TTLL5: variants seen among roughly 807,000 people sequenced by gnomAD.
The protein encoded by TTLL5 is tubulin tyrosine ligase like 5.
TTLL5 carries 132 observed loss-of-function variants against 168.4 expected under a neutral mutation model. The ratio of observed to expected loss-of-function variants is 0.78; its 90% CI spans 0.68 to 0.91. The LOEUF (loss-of-function observed/expected upper bound fraction) is 0.91. TTLL5 is among the 40% of genes least tolerant of loss of function. TTLL5 has a pLI of 0.00. For missense variants in TTLL5, 1,545 were observed against 1,581.5 expected (o/e 0.98, Z 0.39); for synonymous variants, 546 against 558.6 (o/e 0.98, Z 0.32).
chr14:75,748,856 G>A (rs983493091), intron 17 of TTLL5, among the ~76,000 whole-genome samples: 2 of 152,104 alleles, frequency 1.3e-5, no homozygotes, highest in Non-Finnish European at 2.9e-5. Context: ...TTTCTAGTAA[G>A]GTTGACACTC....
In TTLL5 at chr14:75,773,904, ATAC is replaced by A. The variant is rs1334331538; in HGVS notation, c.2137-1579_2137-1577del. Among the ~76,000 whole-genome samples the A allele has an allele frequency of 4.4e-3, 269 of 61,562 alleles. 2 individuals are homozygous for A. Among genetic ancestry groups the A allele is most frequent in the Non-Finnish European group, 7.3e-3 (193 of 26,582 alleles). The allele number at this position is 61,562 out of a possible 152,430, so 40.4% of individuals were successfully genotyped here. On this transcript the variant is annotated intron_variant, in intron 21 of 31. Coordinates refer to ENST00000298832, the MANE Select transcript of TTLL5 (RefSeq NM_015072.5). ...GATACCGTCTCAAAAAAAAAAAAAAATACATATATATATATATATATATAGAGA... is the reference window on the plus strand; with the variant it reads ...GATACCGTCTCAAAAAAAAAAAAAAAATATATATATATATATATATAGAGA...
intron 31 of TTLL5, among the ~76,000 whole-genome samples, chr14:75,943,310 T>A (rs1566671198): frequency 1.3e-5 from 2 of 152,136 alleles, no homozygotes; most frequent in Admixed American, 6.6e-5. Flanking sequence ...AGGAGACCCT[T>A]CTAGACTGGG....
intron 28 of TTLL5, among the ~76,000 whole-genome samples, chr14:75,833,044 G>A (rs1051378597): frequency 1.3e-5 from 2 of 152,056 alleles, no homozygotes; most frequent in Non-Finnish European, 2.9e-5. Flanking sequence ...CCTGCCTCCC[G>A]CAGCTCTGCC....
At chr14:75,848,898 A>G (rs1190875629) in intron 28 of TTLL5, among the ~76,000 whole-genome samples, 1 of 152,180 alleles carries the variant, frequency 6.6e-6, no homozygotes, top group East Asian at 1.9e-4. Flanking sequence ...TCTCTGCCAG[A>G]TGTACTAAGA....
chr14:75,803,719 G>A (rs1043155939), intron 27 of TTLL5, among the ~76,000 whole-genome samples: 4 of 152,304 alleles, frequency 2.6e-5, no homozygotes, highest in Middle Eastern at 3.4e-3. Context: ...GAGAAGTGTC[G>A]TGGTGGCCAA....
intron 17 of TTLL5, among the ~76,000 whole-genome samples, chr14:75,747,979 A>T (rs544516073): frequency 6.6e-6 from 1 of 152,188 alleles, no homozygotes. Flanking sequence ...CTCCCTAGAA[A>T]TTAGATTTCT....
chr14:75,712,283 CCT>C (rs1318326282), intron 9 of TTLL5: 1 of 151,832 alleles, frequency 6.6e-6, no homozygotes, highest in African/African-American at 2.4e-5. Context: ...ATTGTCCAGG[CCT>C]CTCTGACTCA....
chr14:75,729,853 G>A (rs1268172053), intron 12 of TTLL5, among the ~76,000 whole-genome samples: 5 of 152,132 alleles, frequency 3.3e-5, no homozygotes, highest in Non-Finnish European at 2.9e-5. Flanking sequence ...ATATTTCCCA[G>A]AATATTGGTT....
intron 27 of TTLL5, among the ~76,000 whole-genome samples, chr14:75,807,490 C>T (rs1461831684): frequency 6.6e-6 from 1 of 152,224 alleles, no homozygotes. Context: ...CATAATTAAG[C>T]AGTTGACATT....
chr14:75,776,435 G>A (rs1437893809), intron 22 of TTLL5, among the ~76,000 whole-genome samples: 3 of 152,074 alleles, frequency 2.0e-5, no homozygotes, highest in East Asian at 1.9e-4. Flanking sequence ...AAGCTACAAG[G>A]GTGATCATAG....
At chr14:75,845,789 T>C (rs1896513154) in intron 28 of TTLL5, among the ~76,000 whole-genome samples, 2 of 152,252 alleles carry the variant, frequency 1.3e-5, no homozygotes, top group South Asian at 4.1e-4. Context: ...TGAAAGCTCA[T>C]GTTCTTTCCT....
At chr14:75,674,463 ATGCCAAATTGGTTTTTTC>A in intron 3 of TTLL5, among the ~76,000 whole-genome samples, 1 of 152,300 alleles carries the variant, frequency 6.6e-6, no homozygotes, top group African/African-American at 2.4e-5. Flanking sequence ...ATCGTGTTAG[ATGCCAAATTGGTTTTTTC>A]TCTTTATGAC....
At chr14:75,750,655 A>G (rs1594968942) in intron 17 of TTLL5, among the ~76,000 whole-genome samples, 1 of 151,906 alleles carries the variant, frequency 6.6e-6, no homozygotes, top group South Asian at 2.1e-4. Context: ...TGGGGAAGCA[A>G]AAGTTATATG....
At chr14:75,726,642 G>A (rs567405721) in intron 12 of TTLL5, among the ~76,000 whole-genome samples, 1 of 152,134 alleles carries the variant, frequency 6.6e-6, no homozygotes, top group Non-Finnish European at 1.5e-5. Flanking sequence ...TTAACAGCAA[G>A]AATGTAGTAT....
intron 31 of TTLL5, among the ~76,000 whole-genome samples, chr14:75,908,965 A>T (rs1338283886): frequency 6.6e-6 from 1 of 151,776 alleles, no homozygotes. Context: ...TTTAGTAGAG[A>T]TGGGGTTTTG....
intron 31 of TTLL5, among the ~76,000 whole-genome samples, chr14:75,920,932 T>C (rs1426658057): frequency 6.6e-6 from 1 of 152,236 alleles, no homozygotes; most frequent in Non-Finnish European, 1.5e-5. Context: ...TGACATGAGA[T>C]GGTATCTCGT....
At chr14:75,662,530 G>A (rs1442325592) in intron 1 of TTLL5, among the ~76,000 whole-genome samples, 1 of 150,720 alleles carries the variant, frequency 6.6e-6, no homozygotes, top group East Asian at 1.9e-4. Context: ...GTAAAGACGG[G>A]GTTTCTCCAT....
chr14:75,852,778 C>G (rs1896930497), intron 28 of TTLL5, among the ~76,000 whole-genome samples: 1 of 152,226 alleles, frequency 6.6e-6, no homozygotes, highest in Non-Finnish European at 1.5e-5. Context: ...GAACTCTTGG[C>G]AGGTCCGTCT....
At chr14:75,817,638 C>T (rs1445211865) in intron 27 of TTLL5, among the ~76,000 whole-genome samples, 1 of 151,884 alleles carries the variant, frequency 6.6e-6, no homozygotes, top group Non-Finnish European at 1.5e-5. Flanking sequence ...AATTATTAGG[C>T]CCTTAGAACA....
Sources: gnomAD v4.1 joint callset for allele counts (sites outside exome capture counted in the v4.1 genomes callset) on GRCh38, gnomAD v4.1.1 for gene constraint, MANE v1.5 for transcripts, NCBI Gene and HGNC (gene_info 2026-07-23, HGNC 2026-07-21) for gene names.